FGGY: variants seen among roughly 807,000 people sequenced by gnomAD.
FGGY encodes the protein FGGY carbohydrate kinase domain-containing protein.
In FGGY, 72 loss-of-function variants were observed where a neutral mutation model predicts 71.3. That is an observed-to-expected ratio of 1.01 (90% CI 0.84 to 1.23). FGGY has a LOEUF of 1.23. FGGY is among the 50% of genes most tolerant of loss of function. The pLI, the probability that FGGY is intolerant of heterozygous loss-of-function variation, is 0.00. For synonymous variants in FGGY, 251 were observed against 250.3 expected, an observed-to-expected ratio of 1.00 and a Z score of -0.02; for missense variants, 668 against 682.3, an observed-to-expected ratio of 0.98 and a Z score of 0.23.
chr1:59,759,275 A>T (rs1002310764), intron 15 of FGGY, among the ~76,000 whole-genome samples: 3 of 152,122 alleles, frequency 2.0e-5, no homozygotes, highest in Admixed American at 2.0e-4. Context: ...CTCCACATAG[A>T]GTCAGGCTGC....
Position 59,370,389 on chromosome 1 carries a change from A to G in FGGY, c.466-8360A>G, listed in dbSNP as rs548608831. 2.0e-5 allele frequency among the ~76,000 whole-genome samples: 3 copies of G among 152,322 alleles called. No individual in the cohort carries two copies. In the South Asian group the frequency reaches 6.2e-4, roughly 32 times the overall value. On this transcript the variant is annotated intron_variant, in intron 4 of 15. Transcript: ENST00000303721. ...TAAAAAGAAACAAACAAAGCCTCCA[A>G]GAAATATGGGACTATGTGGAAAGAC...
intron 14 of FGGY, chr1:59,698,787 C>T (rs548941466): frequency 9.1e-6 from 9 of 985,406 alleles, no homozygotes; most frequent in East Asian, 1.1e-4. Flanking sequence ...AAAAGCGCAG[C>T]GCATACATTG....
intron 1 of FGGY, 28 bp from the exon 2 acceptor site, chr1:59,321,508 A>G (rs2046376072): frequency 2.5e-6 from 4 of 1,599,386 alleles, no homozygotes; most frequent in East Asian, 4.5e-5. Flanking sequence ...CTTGGTCTTC[A>G]TATGGTTTTT....
At chr1:59,517,081 G>T (rs1280834832) in intron 7 of FGGY, among the ~76,000 whole-genome samples, 1 of 152,046 alleles carries the variant, frequency 6.6e-6, no homozygotes, top group East Asian at 1.9e-4. Context: ...GAGTAGCTTT[G>T]TTTGCACTTT....
chr1:59,347,099 A>G (rs1356709515), intron 4 of FGGY, among the ~76,000 whole-genome samples: 1 of 4,586 alleles, frequency 2.2e-4, no homozygotes, highest in Admixed American at 2.3e-3. Context: ...TTTTTCGGTT[A>G]TTCTTTATTA....
At chr1:59,753,014 T>C (rs1311603974) in intron 14 of FGGY, among the ~76,000 whole-genome samples, 3 of 152,182 alleles carry the variant, frequency 2.0e-5, no homozygotes, top group Non-Finnish European at 4.4e-5. Flanking sequence ...AAAGCTTTCA[T>C]TGTGTGGGCA....
intron 6 of FGGY, among the ~76,000 whole-genome samples, chr1:59,506,055 G>A (rs573745131): frequency 4.4e-4 from 67 of 152,224 alleles, no homozygotes; most frequent in African/African-American, 1.6e-3. Flanking sequence ...TGTGTACACC[G>A]AGACAGAGAC....
rs1193131980 is a variant in FGGY at position 59,321,845 on chromosome 1, T to A, written c.201+95T>A. ...GCCGTAAACAATGTTGGGGTAACTT[T>A]AGATGCAGAGGTAAGCAAGACATAG... On this transcript the variant is annotated intron_variant, in intron 2 of 15. Coordinates refer to ENST00000303721, the MANE Select transcript of FGGY (RefSeq NM_018291.5). 21 of 1,311,124 alleles carry A rather than the reference T, an allele frequency of 1.6e-5. No individual in the cohort carries two copies. The Admixed American group carries it at 3.9e-4, about 24-fold the overall frequency. The allele number at this position is 1,311,124 out of a possible 1,614,324, so 81.2% of individuals were successfully genotyped here. A position where few individuals can be genotyped will look rare whatever the true frequency, so the allele number is the denominator to read the frequency against.
Position 59,691,858 on chromosome 1 carries a change from A to G in FGGY, c.1512+17725A>G, listed in dbSNP as rs547935776. On this transcript the variant is annotated intron_variant, in intron 14 of 15. Transcript: ENST00000303721. ...TTTTGGATTCAAAGATGAAGGCCTC[A>G]CTTACTTTATTTTTGTCATTTTCAC... is the stretch of plus-strand genomic sequence containing the variant. Among the ~76,000 whole-genome samples, 27 of 152,040 alleles carry G rather than the reference A, an allele frequency of 1.8e-4. No homozygotes were observed. In the South Asian group the frequency reaches 5.6e-3, roughly 32 times the overall value.
intron 1 of FGGY, among the ~76,000 whole-genome samples, chr1:59,320,514 A>G (rs181028572): frequency 1.3e-5 from 2 of 152,348 alleles, no homozygotes. Flanking sequence ...TCTGGAAAAT[A>G]AAAGCCTCTA....
intron 8 of FGGY, among the ~76,000 whole-genome samples, chr1:59,605,406 C>T (rs1211848815): frequency 6.6e-6 from 1 of 152,158 alleles, no homozygotes; most frequent in African/African-American, 2.4e-5. Flanking sequence ...CTCTCAAGAT[C>T]GGATGCTCTT....
chr1:59,344,662 T>A (rs76255088), intron 3 of FGGY, among the ~76,000 whole-genome samples: 3,715 of 152,222 alleles, frequency 0.024, 174 homozygotes, highest in African/African-American at 0.086. Flanking sequence ...TAAAATGGCA[T>A]CGTATTTGCG....
chr1:59,368,879 C>T (rs886753813), intron 4 of FGGY, among the ~76,000 whole-genome samples: 2 of 151,684 alleles, frequency 1.3e-5, no homozygotes, highest in African/African-American at 4.8e-5. Flanking sequence ...ATCACAAGGT[C>T]AGGAGTTCAC....
chr1:59,645,110 G>A (rs898981606), intron 11 of FGGY, among the ~76,000 whole-genome samples: 2 of 152,138 alleles, frequency 1.3e-5, no homozygotes, highest in African/African-American at 4.8e-5. Context: ...CAGTAAAGAG[G>A]GCCCAGGTTT....
At chr1:59,606,378 A>G (rs140612957) in intron 8 of FGGY, among the ~76,000 whole-genome samples, 17 of 152,318 alleles carry the variant, frequency 1.1e-4, no homozygotes, top group African/African-American at 4.1e-4. Context: ...GAAAAATTTG[A>G]AAGTTTTCTA....
chr1:59,621,102 T>A (rs1182991230), intron 9 of FGGY, among the ~76,000 whole-genome samples: 5 of 152,064 alleles, frequency 3.3e-5, no homozygotes, highest in Non-Finnish European at 7.4e-5. Context: ...TTTCTCAGTA[T>A]GTGTATATGA....
chr1:59,343,292 A>C (rs1374543310), intron 3 of FGGY, among the ~76,000 whole-genome samples: 1 of 152,190 alleles, frequency 6.6e-6, no homozygotes. Flanking sequence ...AGGTAGCTCA[A>C]ATGTAACTTT....
chr1:59,311,894 A>G (rs928356207), intron 1 of FGGY, among the ~76,000 whole-genome samples: 14 of 152,364 alleles, frequency 9.2e-5, no homozygotes, highest in African/African-American at 3.1e-4. Context: ...CTGTTTCTAC[A>G]TAGCCTTGCC....
chr1:59,435,669 A>T (rs924656730), intron 5 of FGGY, among the ~76,000 whole-genome samples: 6 of 151,780 alleles, frequency 4.0e-5, no homozygotes, highest in Admixed American at 3.3e-4. Flanking sequence ...TTTGCTGCCC[A>T]CGCTGCCCAA....
Sources: allele counts gnomAD v4.1 joint callset (sites outside exome capture counted in the v4.1 genomes callset), GRCh38; gene constraint gnomAD v4.1.1; transcripts MANE v1.5; gene names NCBI Gene and HGNC (gene_info 2026-07-23, HGNC 2026-07-21).